NKAIN3: variants seen among roughly 807,000 people sequenced by gnomAD.
NKAIN3 encodes the protein sodium/potassium-transporting ATPase subunit beta-1-interacting protein 3.
A neutral mutation model predicts 30.2 loss-of-function variants in NKAIN3; 25 were observed. The ratio of observed to expected loss-of-function variants is 0.83; its 90% CI spans 0.60 to 1.16. NKAIN3 has a LOEUF of 1.16. NKAIN3 is among the 50% of genes most tolerant of loss of function. The pLI, the probability that NKAIN3 is intolerant of heterozygous loss-of-function variation, is 0.00. For missense variants in NKAIN3, 225 were observed against 254.1 expected (o/e 0.89, Z 0.78); for synonymous variants, 91 against 89.6 (o/e 1.02, Z -0.09).
chr8:62,456,195 G>A (rs1805811683), intron 1 of NKAIN3, among the ~76,000 whole-genome samples: 1 of 152,150 alleles, frequency 6.6e-6, no homozygotes, highest in Non-Finnish European at 1.5e-5. Context: ...CAAAACTGTG[G>A]ATAAGCAGGA....
At chr8:62,408,821 T>A (rs1485752816) in intron 1 of NKAIN3, among the ~76,000 whole-genome samples, 1 of 152,058 alleles carries the variant, frequency 6.6e-6, no homozygotes, top group Non-Finnish European at 1.5e-5. Context: ...GTTTTCTTTA[T>A]AAAAAAAATT....
At chr8:62,400,392 G>A (rs1438910739) in intron 1 of NKAIN3, among the ~76,000 whole-genome samples, 6 of 151,892 alleles carry the variant, frequency 4.0e-5, no homozygotes, top group Non-Finnish European at 7.4e-5. Context: ...GGCTGGTCTC[G>A]AACTCCTGAT....
At chr8:62,750,547 C>A (rs916126645) in intron 4 of NKAIN3, among the ~76,000 whole-genome samples, 3 of 152,122 alleles carry the variant, frequency 2.0e-5, no homozygotes, top group African/African-American at 7.2e-5. Context: ...CCTTGCTTGG[C>A]GCAGAGGCCC....
At chr8:62,455,149 A>T (rs576885534) in intron 1 of NKAIN3, among the ~76,000 whole-genome samples, 1 of 152,338 alleles carries the variant, frequency 6.6e-6, no homozygotes, top group African/African-American at 2.4e-5. Flanking sequence ...AGAGAATATG[A>T]TCATACATTA....
chr8:62,607,617 C>A (rs911962190), intron 3 of NKAIN3, among the ~76,000 whole-genome samples: 9 of 152,232 alleles, frequency 5.9e-5, no homozygotes, highest in African/African-American at 2.2e-4. Flanking sequence ...AAAGGGAAAT[C>A]CACTTTTTAT....
At chr8:62,559,515 G>A (rs1809503404) in intron 1 of NKAIN3, among the ~76,000 whole-genome samples, 1 of 151,608 alleles carries the variant, frequency 6.6e-6, no homozygotes, top group African/African-American at 2.4e-5. Flanking sequence ...CCTTCCTTTA[G>A]GTTACTTGGA....
chr8:62,357,301 C>T (rs1036282001), intron 1 of NKAIN3, among the ~76,000 whole-genome samples: 16 of 151,778 alleles, frequency 1.1e-4, no homozygotes, highest in African/African-American at 3.4e-4. Flanking sequence ...TACATGTAAT[C>T]GTAGCTACTT....
At chr8:62,842,578 C>T (rs1819566415) in intron 4 of NKAIN3, among the ~76,000 whole-genome samples, 1 of 152,100 alleles carries the variant, frequency 6.6e-6, no homozygotes, top group Non-Finnish European at 1.5e-5. Flanking sequence ...AAGAACAAAG[C>T]TACAGGCATC....
intron 6 of NKAIN3, among the ~76,000 whole-genome samples, chr8:62,954,890 A>G (rs146416039): frequency 6.6e-6 from 1 of 152,340 alleles, no homozygotes; most frequent in Non-Finnish European, 1.5e-5. Flanking sequence ...CTGGGTAGCA[A>G]ACCATCACCC....
rs1341695467 is a variant in NKAIN3 at position 62,973,922 on chromosome 8, A to G, written c.*8515A>G. On this transcript the variant is annotated 3_prime_UTR_variant, in exon 7 of 7. Transcript: ENST00000623646. ...CCCAGCACCATTTATTAAATAGGAAATCCTTTCCCCATTGCTTGTTTTTAT... is the reference window on the plus strand; with the variant it reads ...CCCAGCACCATTTATTAAATAGGAAGTCCTTTCCCCATTGCTTGTTTTTAT... 6.6e-6 allele frequency among the ~76,000 whole-genome samples: 1 copy of G among 152,200 alleles called. No homozygotes were observed. The highest frequency in any genetic ancestry group is 1.5e-5 in the Non-Finnish European group (1 of 68,032).
intron 1 of NKAIN3, among the ~76,000 whole-genome samples, chr8:62,369,502 T>C (rs1273602138): frequency 1.3e-5 from 2 of 152,050 alleles, no homozygotes; most frequent in Non-Finnish European, 2.9e-5. Context: ...AAATAAACAT[T>C]CTAAATGGTG....
chr8:62,251,738 A>G (rs1369044399), intron 1 of NKAIN3, among the ~76,000 whole-genome samples: 4 of 152,206 alleles, frequency 2.6e-5, no homozygotes, highest in African/African-American at 7.2e-5. Context: ...TAGACAATCA[A>G]CAAAACAGTA....
chr8:62,828,817 C>T (rs1232092858), intron 4 of NKAIN3, among the ~76,000 whole-genome samples: 3 of 152,142 alleles, frequency 2.0e-5, no homozygotes, highest in Non-Finnish European at 4.4e-5. Flanking sequence ...TAGATAATCT[C>T]ATGAAGAAAG....
chr8:62,771,471 T>A (rs1817008351), intron 4 of NKAIN3, among the ~76,000 whole-genome samples: 1 of 151,968 alleles, frequency 6.6e-6, no homozygotes, highest in Non-Finnish European at 1.5e-5. Context: ...AATTATTCAA[T>A]TTGATGAAAA....
chr8:62,881,953 T>C (rs1820996651), intron 4 of NKAIN3, among the ~76,000 whole-genome samples: 2 of 152,220 alleles, frequency 1.3e-5, no homozygotes, highest in African/African-American at 4.8e-5. Context: ...CTAATAGGTG[T>C]GTAATGGTAT....
intron 3 of NKAIN3, among the ~76,000 whole-genome samples, chr8:62,696,488 C>T (rs952218305): frequency 2.6e-5 from 4 of 152,104 alleles, no homozygotes; most frequent in Non-Finnish European, 5.9e-5. Flanking sequence ...AATTATATCT[C>T]GGACTTGAAG....
intron 1 of NKAIN3, among the ~76,000 whole-genome samples, chr8:62,350,479 G>A (rs1268619072): frequency 1.3e-5 from 2 of 152,088 alleles, no homozygotes; most frequent in African/African-American, 2.4e-5. Context: ...TGAATGGGAA[G>A]TTATTGTTAA....
intron 1 of NKAIN3, among the ~76,000 whole-genome samples, chr8:62,399,351 C>G (rs1817863630): frequency 6.6e-6 from 1 of 151,772 alleles, no homozygotes; most frequent in African/African-American, 2.4e-5. Context: ...ACTAAAAATA[C>G]AAAAATTAGC....
intron 3 of NKAIN3, among the ~76,000 whole-genome samples, chr8:62,593,953 T>A (rs1444928547): frequency 6.6e-6 from 1 of 151,968 alleles, no homozygotes; most frequent in Non-Finnish European, 1.5e-5. Context: ...TGTCTTTAAT[T>A]TCTATAGGGA....
Sources: allele counts gnomAD v4.1 joint callset (sites outside exome capture counted in the v4.1 genomes callset), GRCh38; gene constraint gnomAD v4.1.1; transcripts MANE v1.5; gene names NCBI Gene and HGNC (gene_info 2026-07-23, HGNC 2026-07-21).